SFT2D2: variants seen among roughly 807,000 people sequenced by gnomAD.
The protein encoded by SFT2D2 is SFT2 domain containing 2, also known as vesicle transport protein SFT2B.
SFT2D2 carries 21 observed loss-of-function variants against 27.4 expected under a neutral mutation model. That is an observed-to-expected ratio of 0.77 (90% CI 0.54 to 1.10). The LOEUF is 1.10. SFT2D2 is among the 50% of genes least tolerant of loss of function. The probability of loss-of-function intolerance (pLI) is 0.00; values close to 1 mark genes in which losing one functional copy is unlikely to be tolerated. For synonymous variants in SFT2D2, 72 were observed against 71.7 expected, an observed-to-expected ratio of 1.00 and a Z score of -0.02; for missense variants, 187 against 194.2, an observed-to-expected ratio of 0.96 and a Z score of 0.22.
intron 7 of SFT2D2, 46 bp from the exon 8 acceptor site, chr1:168,242,455 T>G (rs1425002860): frequency 6.2e-7 from 1 of 1,612,152 alleles, no homozygotes; most frequent in African/African-American, 1.3e-5. Context: ...AGGAGTGCCT[T>G]TGGGGTGATG....
intron 1 of SFT2D2, among the ~76,000 whole-genome samples, 176 bp from the exon 2 acceptor site, chr1:168,231,335 CATA>C (rs1417143895): frequency 1.3e-5 from 2 of 152,184 alleles, no homozygotes; most frequent in Non-Finnish European, 2.9e-5. Context: ...TTCATGTCTG[CATA>C]ATAACTTTAC....
intron 7 of SFT2D2, 33 bp from the exon 8 acceptor site, chr1:168,242,468 G>A (rs368389250): frequency 1.2e-5 from 20 of 1,613,792 alleles, no homozygotes; most frequent in Non-Finnish European, 1.6e-5. Flanking sequence ...GGGTGATGAC[G>A]TTCCACTCAT....
In SFT2D2 at chr1:168,246,240, G is replaced by T; in HGVS notation, c.*3700G>T. On this transcript the variant is annotated 3_prime_UTR_variant, in exon 8 of 8. Transcript: ENST00000271375. ...GCACTCAGCTTGAAGATTTTGTGCTGTAGCATCACATTTGGCTTGACTATC... is the reference window on the plus strand; with the variant it reads ...GCACTCAGCTTGAAGATTTTGTGCTTTAGCATCACATTTGGCTTGACTATC... The T allele has an allele frequency of 3.0e-6, 1 of 330,554 alleles. No homozygotes were observed. The allele number at this position is 330,554 out of a possible 1,614,324, so 20.5% of individuals were successfully genotyped here. A position where few individuals can be genotyped will look rare whatever the true frequency, so the allele number is the denominator to read the frequency against.
chr1:168,241,205 CTTTTTTTTTT>C (rs11387591), intron 7 of SFT2D2, among the ~76,000 whole-genome samples: 1 of 100,156 alleles, frequency 1.0e-5, no homozygotes, highest in African/African-American at 3.9e-5. Context: ...CCCTTCTATT[CTTTTTTTTTT>C]TTTTTTTTTT....
At chr1:168,226,394 C>T (rs535712064) in intron 1 of SFT2D2, among the ~76,000 whole-genome samples, 5 of 152,140 alleles carry the variant, frequency 3.3e-5, no homozygotes, top group Non-Finnish European at 5.9e-5. Flanking sequence ...AGGAAATCCC[C>T]GGACTGAGCT....
At chr1:168,228,044 C>T (rs982873057) in intron 1 of SFT2D2, among the ~76,000 whole-genome samples, 2 of 152,196 alleles carry the variant, frequency 1.3e-5, no homozygotes, top group South Asian at 2.1e-4. Flanking sequence ...ATAGGTGCTT[C>T]GTTCTTGTTT....
rs1018653320 is a variant in SFT2D2, at chr1:168,226,142, G to C, written c.63G>C (p.Glu21Asp). The C allele has an allele frequency of 1.5e-5, 23 of 1,532,794 alleles. No individual in the cohort carries two copies. Among genetic ancestry groups the C allele is most frequent in the Non-Finnish European group, 1.8e-5 (21 of 1,139,268 alleles). 94.9% of individuals were successfully genotyped at this position (1,532,794 alleles called of 1,614,324 possible). ...CGGAGGACCGGAGCGGCCTGTCCGA[G>C]GTGAGTGAGCCCGGGGCCGTCGGCC... ...QDTEDRSGLS[E>D]VVEASSLSWS... Residue 21 changes from glutamate (E) to aspartate (D), a missense_variant and splice_region_variant, in exon 1 of 8, where the codon GAG becomes GAC. Transcript: ENST00000271375.
rs765332798 is a variant in SFT2D2, at chr1:168,236,618, C to T, written c.348C>T (p.Ala116=). ...GTTTTGCACTTACCCTGTGTTCTGC[C>T]TTTTGGGTAAATGTATATTTTAATT... ...LLCFALTLCS[A]FWWHNKGLAL... The change falls in exon 5 of 8, where the codon GCC becomes GCT. Residue 116 remains alanine, a synonymous_variant. Transcript: ENST00000271375. 3 of 1,613,540 alleles carry T rather than the reference C, an allele frequency of 1.9e-6. No homozygotes were observed. The highest frequency in any genetic ancestry group is 2.2e-5 in the East Asian group (1 of 44,868).
intron 1 of SFT2D2, among the ~76,000 whole-genome samples, chr1:168,231,169 G>T (rs1400488272): frequency 6.6e-6 from 1 of 152,144 alleles, no homozygotes; most frequent in Non-Finnish European, 1.5e-5. Context: ...TCCAGGTGTG[G>T]TCTTCATCCT....
rs1011795970 is a variant in SFT2D2, at chr1:168,249,734, C to T, written c.*7194C>T. 5.9e-5 allele frequency: 9 copies of T among 152,600 alleles called. No homozygotes were observed. Among genetic ancestry groups the T allele is most frequent in the African/African-American group, 2.2e-4 (9 of 41,446 alleles). 9.5% of individuals were successfully genotyped at this position (152,600 alleles called of 1,614,324 possible). A position where few individuals can be genotyped will look rare whatever the true frequency, so the allele number is the denominator to read the frequency against. ...ACCTCTGGCTCCTCAGTTTGTTCAT[C>T]TGTTTAAAAATTGTGGGAATAACAG... On this transcript the variant is annotated 3_prime_UTR_variant, in exon 8 of 8. Coordinates refer to ENST00000271375, the MANE Select transcript of SFT2D2 (RefSeq NM_199344.3).
chr1:168,239,864 A>G (rs1647599476), intron 7 of SFT2D2, among the ~76,000 whole-genome samples: 1 of 150,922 alleles, frequency 6.6e-6, no homozygotes, highest in Non-Finnish European at 1.5e-5. Flanking sequence ...CCTGTTAATT[A>G]AAAACAAGCT....
rs893772965 is a variant in SFT2D2 at position 168,243,986 on chromosome 1, C to T, written c.*1446C>T. ...GCCAGCATTCCTGGCCCTCCAGGAC[C>T]TCCAGAGTCATCCTACAAATGACGT... On this transcript the variant is annotated 3_prime_UTR_variant, in exon 8 of 8. Transcript: ENST00000271375. 6.6e-6 allele frequency: 1 copy of T among 152,396 alleles called. No individual in the cohort carries two copies. The highest frequency in any genetic ancestry group is 1.5e-5 in the Non-Finnish European group (1 of 68,220). The allele number at this position is 152,396 out of a possible 1,614,324, so 9.4% of individuals were successfully genotyped here. A position where few individuals can be genotyped will look rare whatever the true frequency, so the allele number is the denominator to read the frequency against.
chr1:168,230,897 T>C lies in SFT2D2; in HGVS notation c.64-617T>C, dbSNP rs1463130177. ...TGCTCCAGGGAGGGATTAATCATGA[T>C]GGCAAAGACTCAGGATGTAACAGGA... On this transcript the variant is annotated intron_variant, in intron 1 of 7. Transcript: ENST00000271375. Among the ~76,000 whole-genome samples the C allele has an allele frequency of 6.4e-5, 8 of 125,166 alleles. No individual in the cohort carries two copies. In the Admixed American group the frequency reaches 6.5e-4, roughly 10 times the overall value. 82.1% of individuals were successfully genotyped at this position (125,166 alleles called of 152,430 possible). A position where few individuals can be genotyped will look rare whatever the true frequency, so the allele number is the denominator to read the frequency against.
chr1:168,236,532 G>GTTTT, intron 4 of SFT2D2, 57 bp from the exon 5 acceptor site: 1 of 1,371,194 alleles, frequency 7.3e-7, no homozygotes, highest in Non-Finnish European at 9.9e-7. Context: ...CAAGTTTTGA[G>GTTTT]TTTTTTTTTT....
At chr1:168,230,015 G>A (rs1455307372) in intron 1 of SFT2D2, among the ~76,000 whole-genome samples, 1 of 152,204 alleles carries the variant, frequency 6.6e-6, no homozygotes, top group East Asian at 1.9e-4. Context: ...GCAGGGTCAT[G>A]AGCCCAGTTC....
chr1:168,250,617 G>A lies in SFT2D2; in HGVS notation c.*8077G>A, dbSNP rs1647930269. 6.5e-6 allele frequency: 1 copy of A among 153,306 alleles called. No homozygotes were observed. 9.5% of individuals were successfully genotyped at this position (153,306 alleles called of 1,614,324 possible). On this transcript the variant is annotated 3_prime_UTR_variant, in exon 8 of 8. Transcript: ENST00000271375. ...GGGAGGAGCACTGCCCTTCAGAACA[G>A]AAGAGATGGCTTCCAGTCCCCTCTC...
rs2102337226 is a variant in SFT2D2, at chr1:168,248,563, A to G, written c.*6023A>G. The G allele has an allele frequency of 6.6e-6, 1 of 152,354 alleles. No individual in the cohort carries two copies. The highest frequency in any genetic ancestry group is 6.5e-5 in the Admixed American group (1 of 15,312). 9.4% of individuals were successfully genotyped at this position (152,354 alleles called of 1,614,324 possible). On this transcript the variant is annotated 3_prime_UTR_variant, in exon 8 of 8. Transcript: ENST00000271375. ...ACCTGGTTTATTGAGAGTTTTTAGCATGAAGGGCTGTTGAATTTTGTTGAA... is the reference window on the plus strand; with the variant it reads ...ACCTGGTTTATTGAGAGTTTTTAGCGTGAAGGGCTGTTGAATTTTGTTGAA...
rs752758936 is a variant in SFT2D2, at chr1:168,247,069, A to G, written c.*4529A>G. The G allele has an allele frequency of 5.0e-6, 2 of 402,888 alleles. No individual in the cohort carries two copies. The highest frequency in any genetic ancestry group is 3.8e-5 in the Admixed American group (1 of 26,232). 25.0% of individuals were successfully genotyped at this position (402,888 alleles called of 1,614,324 possible). ...ATTCAAGTTTTTGATATTCTGTGAT[A>G]TTTCTTTTTTTTCAGATAGTCTCTT... On this transcript the variant is annotated 3_prime_UTR_variant, in exon 8 of 8. Coordinates refer to ENST00000271375, the MANE Select transcript of SFT2D2 (RefSeq NM_199344.3).
rs1196772534 is a variant in SFT2D2 at position 168,247,781 on chromosome 1, A to G, written c.*5241A>G. Reference sequence around the variant, plus strand: ...TTTCACAATGGTTGAACTAATTTACACTCCCACCAACAGTGTAAAAGTATT... The same window carrying G: ...TTTCACAATGGTTGAACTAATTTACGCTCCCACCAACAGTGTAAAAGTATT... On this transcript the variant is annotated 3_prime_UTR_variant, in exon 8 of 8. Coordinates refer to ENST00000271375, the MANE Select transcript of SFT2D2 (RefSeq NM_199344.3). 7.2e-5 allele frequency: 11 copies of G among 152,082 alleles called. No homozygotes were observed. The highest frequency in any genetic ancestry group is 1.5e-5 in the Non-Finnish European group (1 of 68,018). The allele number at this position is 152,082 out of a possible 1,614,324, so 9.4% of individuals were successfully genotyped here.
Sources: gnomAD v4.1 joint callset for allele counts (sites outside exome capture counted in the v4.1 genomes callset) on GRCh38, gnomAD v4.1.1 for gene constraint, MANE v1.5 for transcripts, NCBI Gene and HGNC (gene_info 2026-07-23, HGNC 2026-07-21) for gene names.